The following PYM1 variants were observed in gnomAD, a reference collection of about 807,000 sequenced individuals.
PYM1 encodes the protein PYM1 exon junction complex associated factor, also known as partner of Y14 and mago.
PYM1 carries 7 observed loss-of-function variants against 20.7 expected under a neutral mutation model. The observed-to-expected ratio is 0.34, with a 90% CI of 0.19 to 0.64. The LOEUF (loss-of-function observed/expected upper bound fraction) is 0.64, where lower values mean the gene tolerates loss of function less well. PYM1 is among the 30% of genes least tolerant of loss of function. The pLI is 0.74. For missense variants in PYM1, 194 were observed against 250.0 expected, an observed-to-expected ratio of 0.78 and a Z score of 1.51; for synonymous variants, 100 against 99.2, an observed-to-expected ratio of 1.01 and a Z score of -0.05.
At chr12:55,905,690 G>A (rs1018186370) in intron 1 of PYM1, among the ~76,000 whole-genome samples, 12 of 135,956 alleles carry the variant, frequency 8.8e-5, no homozygotes, top group Admixed American at 2.6e-4. Flanking sequence ...GTGACAGAGC[G>A]AGACTCCAAC....
At chr12:55,927,431 A>G (rs1226940785) in intron 1 of PYM1, 1 of 708,516 alleles carries the variant, frequency 1.4e-6, no homozygotes, top group South Asian at 1.5e-5. Context: ...CTGCGAGGGA[A>G]AAGGGCGCAA....
chr12:55,924,129 T>C (rs1001780812), intron 1 of PYM1, among the ~76,000 whole-genome samples: 2 of 151,262 alleles, frequency 1.3e-5, no homozygotes, highest in Non-Finnish European at 2.9e-5. Flanking sequence ...TTGGCTAGAA[T>C]AATGGTGCCT....
At chr12:55,926,794 G>A (rs1230401329) in intron 1 of PYM1, among the ~76,000 whole-genome samples, 2 of 152,114 alleles carry the variant, frequency 1.3e-5, no homozygotes, top group Non-Finnish European at 2.9e-5. Context: ...AGAGATATGA[G>A]TGGTCCAACT....
intron 1 of PYM1, among the ~76,000 whole-genome samples, chr12:55,926,205 T>C (rs766396183): frequency 7.2e-5 from 11 of 152,186 alleles, no homozygotes; most frequent in South Asian, 2.1e-4. Context: ...TTGATCATCA[T>C]TGAGTAGCTA....
At chr12:55,912,648 A>T (rs777573214) in intron 1 of PYM1, among the ~76,000 whole-genome samples, 22 of 151,882 alleles carry the variant, frequency 1.4e-4, no homozygotes, top group Non-Finnish European at 2.6e-4. Flanking sequence ...CTTAGCATAA[A>T]GCCACCATAC....
intron 1 of PYM1, among the ~76,000 whole-genome samples, chr12:55,907,973 G>A (rs1882854316): frequency 6.6e-6 from 1 of 151,284 alleles, no homozygotes; most frequent in Non-Finnish European, 1.5e-5. Context: ...GCTGGGCATG[G>A]TGGCTCATGC....
chr12:55,905,149 C>G (rs1295158974), intron 1 of PYM1, among the ~76,000 whole-genome samples: 12 of 150,612 alleles, frequency 8.0e-5, no homozygotes, highest in Non-Finnish European at 1.6e-4. Context: ...CTACAGGCGC[C>G]TGCCACCACA....
At chr12:55,903,819 C>T (rs887479118) in intron 1 of PYM1, among the ~76,000 whole-genome samples, 1 of 151,838 alleles carries the variant, frequency 6.6e-6, no homozygotes, top group African/African-American at 2.4e-5. Flanking sequence ...ACAAAAACCA[C>T]GGGGAGGAGA....
intron 1 of PYM1, among the ~76,000 whole-genome samples, chr12:55,917,661 T>C (rs996166146): frequency 6.6e-6 from 1 of 150,568 alleles, no homozygotes; most frequent in Admixed American, 6.6e-5. Context: ...CGGGCACGGG[T>C]TTAAAAACTA....
chr12:55,919,402 C>A (rs1157484489), intron 1 of PYM1, among the ~76,000 whole-genome samples: 1 of 152,188 alleles, frequency 6.6e-6, no homozygotes, highest in Non-Finnish European at 1.5e-5. Context: ...AATCCACCCG[C>A]CTCAGCCTCC....
At chr12:55,913,493 G>A (rs1882958406) in intron 1 of PYM1, among the ~76,000 whole-genome samples, 2 of 152,236 alleles carry the variant, frequency 1.3e-5, no homozygotes, top group South Asian at 4.1e-4. Flanking sequence ...GAATACTGAT[G>A]GCCAATAAGG....
chr12:55,925,070 TTTTCTC>T, intron 1 of PYM1, among the ~76,000 whole-genome samples: 1 of 152,354 alleles, frequency 6.6e-6, no homozygotes, highest in East Asian at 1.9e-4. Flanking sequence ...GCTCTGTACT[TTTTCTC>T]TAGCAACATG....
At chr12:55,905,947 T>TTATTATATATATCTAATAGATATATA (rs1882805333) in intron 1 of PYM1, among the ~76,000 whole-genome samples, 3 of 126,182 alleles carry the variant, frequency 2.4e-5, no homozygotes, top group African/African-American at 6.8e-5. Flanking sequence ...GATATATATA[T>TTATTATATATATCTAATAGATATATA]TATTATATAT....
chr12:55,909,698 A>G (rs1882887271), intron 1 of PYM1, among the ~76,000 whole-genome samples: 1 of 152,172 alleles, frequency 6.6e-6, no homozygotes, highest in Non-Finnish European at 1.5e-5. Flanking sequence ...GTAAGAGACT[A>G]AGGGCAGATA....
intron 1 of PYM1, among the ~76,000 whole-genome samples, chr12:55,915,770 C>T (rs1262763112): frequency 6.6e-6 from 1 of 151,978 alleles, no homozygotes; most frequent in Non-Finnish European, 1.5e-5. Context: ...CCTCATTTGA[C>T]ACTAAAGACT....
At position 55,921,993 on chromosome 12, in the gene PYM1, C is replaced by G. The variant is rs539799211; in HGVS notation, c.37+5732G>C. Among the ~76,000 whole-genome samples, 5 of 152,158 alleles carry G rather than the reference C, an allele frequency of 3.3e-5. 1 individual carries two copies. The highest frequency in any genetic ancestry group is 1.2e-4 in the African/African-American group (5 of 41,540). On this transcript the variant is annotated intron_variant, in intron 1 of 2. Coordinates refer to ENST00000408946, the MANE Select transcript of PYM1 (RefSeq NM_032345.3). ...CCTGGCTCAATCTTCCCCTCTGAGG[C>G]TCCCTGAGTAGCTGGGACCACAGGT...
chr12:55,916,265 G>A (rs888154186), intron 1 of PYM1, among the ~76,000 whole-genome samples: 10 of 151,884 alleles, frequency 6.6e-5, no homozygotes, highest in Non-Finnish European at 1.2e-4. Flanking sequence ...AAGTCAGGAG[G>A]CAGAGGTTGC....
At chr12:55,904,609 AAAAAAAAAAAG>A (rs1251685481) in intron 1 of PYM1, among the ~76,000 whole-genome samples, 1 of 146,076 alleles carries the variant, frequency 6.8e-6, no homozygotes, top group Non-Finnish European at 1.5e-5. Flanking sequence ...AAAAAAAAAA[AAAAAAAAAAAG>A]AAAAAAAATT....
At chr12:55,926,149 CT>C (rs1403512442) in intron 1 of PYM1, among the ~76,000 whole-genome samples, 3 of 152,226 alleles carry the variant, frequency 2.0e-5, no homozygotes, top group Admixed American at 2.0e-4. Context: ...AACAGAAACA[CT>C]TTGCACTTGC....
Sources: gnomAD v4.1 joint callset for allele counts (sites outside exome capture counted in the v4.1 genomes callset) on GRCh38, gnomAD v4.1.1 for gene constraint, MANE v1.5 for transcripts, NCBI Gene and HGNC (gene_info 2026-07-23, HGNC 2026-07-21) for gene names.